Variants in CCDC3 observed in about 807,000 individuals in gnomAD.
CCDC3 encodes coiled-coil domain containing 3, also known as coiled-coil domain-containing protein 3.
In CCDC3, 24 loss-of-function variants were observed where a neutral mutation model predicts 21.4. The observed-to-expected ratio is 1.12, with a 90% CI of 0.81 to 1.58. The LOEUF is 1.58. Ranked by LOEUF, CCDC3 falls within the 40% of genes most tolerant of loss-of-function variation. The pLI, the probability that CCDC3 is intolerant of heterozygous loss-of-function variation, is 0.00. For missense variants in CCDC3, 425 were observed against 360.9 expected, an observed-to-expected ratio of 1.18 and a Z score of -1.44; for synonymous variants, 186 against 166.0, an observed-to-expected ratio of 1.12 and a Z score of -0.93.
At chr10:13,069,431 T>C (rs1274983004) in intron 4 of CCDC3, among the ~76,000 whole-genome samples, 1 of 152,148 alleles carries the variant, frequency 6.6e-6, no homozygotes, top group Non-Finnish European at 1.5e-5. Context: ...TTATAAAAGG[T>C]TTTTTGCTTT....
intron 4 of CCDC3, among the ~76,000 whole-genome samples, chr10:13,050,096 C>G (rs557998393): frequency 1.3e-5 from 2 of 152,150 alleles, no homozygotes; most frequent in East Asian, 3.9e-4. Context: ...AGGTATTAAC[C>G]TGGGTGTGGG....
chr10:12,918,574 T>C (rs77706374), intron 2 of CCDC3, among the ~76,000 whole-genome samples: 1 of 152,220 alleles, frequency 6.6e-6, no homozygotes, highest in Admixed American at 6.5e-5. Flanking sequence ...TCTCATTACC[T>C]ATCTAGAAAA....
intron 2 of CCDC3, among the ~76,000 whole-genome samples, chr10:12,991,656 G>A (rs1435154159): frequency 2.0e-5 from 3 of 152,278 alleles, no homozygotes; most frequent in Admixed American, 6.5e-5. Context: ...TCTTAATGGA[G>A]CCAGTCAGAT....
chr10:12,958,157 C>A (rs1835122690), intron 2 of CCDC3, among the ~76,000 whole-genome samples: 1 of 152,120 alleles, frequency 6.6e-6, no homozygotes, highest in African/African-American at 2.4e-5. Flanking sequence ...ATTACCCAGT[C>A]TCAGATATTT....
intron 2 of CCDC3, among the ~76,000 whole-genome samples, chr10:12,992,675 A>T (rs1358768404): frequency 6.6e-6 from 1 of 152,116 alleles, no homozygotes; most frequent in Non-Finnish European, 1.5e-5. Context: ...AGGGTGAGGG[A>T]TAAAAAAGAC....
intron 2 of CCDC3, among the ~76,000 whole-genome samples, chr10:12,973,471 T>G (rs1370215705): frequency 6.6e-6 from 1 of 152,210 alleles, no homozygotes; most frequent in African/African-American, 2.4e-5. Flanking sequence ...AGGAGCTCCC[T>G]TGGGGAATGC....
At chr10:12,926,895 C>T (rs1351347734) in intron 2 of CCDC3, among the ~76,000 whole-genome samples, 2 of 151,936 alleles carry the variant, frequency 1.3e-5, no homozygotes, top group Admixed American at 6.6e-5. Context: ...AATGTGTATA[C>T]CCCTAAAAAC....
At chr10:12,961,831 C>T (rs1357056738) in intron 2 of CCDC3, among the ~76,000 whole-genome samples, 3 of 152,146 alleles carry the variant, frequency 2.0e-5, no homozygotes, top group South Asian at 2.1e-4. Context: ...TTCCAAGTAG[C>T]TAGCTGCAGG....
intron 2 of CCDC3, among the ~76,000 whole-genome samples, chr10:12,989,923 C>T (rs1032497854): frequency 2.0e-5 from 3 of 150,836 alleles, no homozygotes; most frequent in Middle Eastern, 3.4e-3. Flanking sequence ...GTGCCATGTG[C>T]AAGCAGAAAA....
rs11463184 is a variant in CCDC3 at position 12,991,322 on chromosome 10, T to TGTTG, written c.549+7015_549+7016insCAAC. Among the ~76,000 whole-genome samples the TGTTG allele has an allele frequency of 4.0e-5, 6 of 151,648 alleles. No homozygotes were observed. The South Asian group carries it at 1.0e-3, about 26-fold the overall frequency. On this transcript the variant is annotated intron_variant, in intron 2 of 2. Coordinates refer to ENST00000378825, the MANE Select transcript of CCDC3 (RefSeq NM_031455.4). ...CATATGTTTTTTTTGTTGTTGTTGT[T>TGTTG]TTGTTTTTTTTTCCTTGAGAGGGAG...
chr10:12,939,818 TAAC>T (rs562088916), intron 2 of CCDC3, among the ~76,000 whole-genome samples: 4 of 152,274 alleles, frequency 2.6e-5, no homozygotes, highest in South Asian at 2.1e-4. Context: ...AGAGTCAGAG[TAAC>T]AACAACAACG....
rs543943177 is a variant in CCDC3 at position 12,925,834 on chromosome 10, G to C, written c.550-27155C>G. Among the ~76,000 whole-genome samples the C allele has an allele frequency of 3.9e-5, 6 of 152,346 alleles. No homozygotes were observed. The South Asian group carries it at 1.2e-3, about 32-fold the overall frequency. Reference sequence around the variant, plus strand: ...TCAATTCATCCTATTGTGATACCCAGGGCTGAACCCTGTGCTTAAGGGATG... The same window carrying C: ...TCAATTCATCCTATTGTGATACCCACGGCTGAACCCTGTGCTTAAGGGATG... On this transcript the variant is annotated intron_variant, in intron 2 of 2. Transcript: ENST00000378825.
chr10:13,065,206 T>C (rs918055170), intron 4 of CCDC3, among the ~76,000 whole-genome samples: 1 of 152,238 alleles, frequency 6.6e-6, no homozygotes, highest in East Asian at 1.9e-4. Context: ...CTCTCTTGGT[T>C]TCAAACAGTC....
intron 2 of CCDC3, among the ~76,000 whole-genome samples, chr10:12,987,538 C>T (rs777597419): frequency 2.6e-5 from 4 of 152,154 alleles, no homozygotes; most frequent in Non-Finnish European, 4.4e-5. Context: ...TCAGAATGGT[C>T]AAGTGACACC....
chr10:12,910,399 C>T (rs1234390768), intron 2 of CCDC3, among the ~76,000 whole-genome samples: 2 of 152,110 alleles, frequency 1.3e-5, no homozygotes, highest in Non-Finnish European at 1.5e-5. Context: ...TATTGCCAGA[C>T]TCAGTCCATA....
chr10:13,089,685 T>A (rs1400432606), intron 3 of CCDC3, among the ~76,000 whole-genome samples: 10 of 151,984 alleles, frequency 6.6e-5, no homozygotes, highest in African/African-American at 1.7e-4. Context: ...TAAATTTTAA[T>A]TTTTTTATTT....
rs149156958 is a variant in CCDC3, at chr10:12,933,241, C to T, written c.550-34562G>A. 3.1e-4 allele frequency among the ~76,000 whole-genome samples: 47 copies of T among 152,240 alleles called. 1 individual carries two copies. The highest frequency in any genetic ancestry group is 2.9e-3 in the East Asian group (15 of 5,176). On this transcript the variant is annotated intron_variant, in intron 2 of 2. Coordinates refer to ENST00000378825, the MANE Select transcript of CCDC3 (RefSeq NM_031455.4). ...GGGAGCTGGTACAATTTCTTTCTTA[C>T]GTGTTCAGTAGCATTTACCAGTGAA...
chr10:13,079,715 A>G (rs549555788), intron 3 of CCDC3, among the ~76,000 whole-genome samples: 4 of 152,326 alleles, frequency 2.6e-5, no homozygotes, highest in African/African-American at 9.6e-5. Context: ...AAGGATATTC[A>G]AAACTTCCCT....
At chr10:13,072,379 CGT>C (rs1836894416) in intron 4 of CCDC3, among the ~76,000 whole-genome samples, 1 of 152,118 alleles carries the variant, frequency 6.6e-6, no homozygotes, top group African/African-American at 2.4e-5. Context: ...TTCTAACCGC[CGT>C]TGGATGTACT....
Sources: gnomAD v4.1 joint callset for allele counts (sites outside exome capture counted in the v4.1 genomes callset) on GRCh38, gnomAD v4.1.1 for gene constraint, MANE v1.5 for transcripts, NCBI Gene and HGNC (gene_info 2026-07-23, HGNC 2026-07-21) for gene names.